The following FBP1 variants were observed in gnomAD, a reference collection of about 807,000 sequenced individuals.
FBP1 encodes the protein fructose-bisphosphatase 1.
A neutral mutation model predicts 29.9 loss-of-function variants in FBP1; 22 were observed. The observed-to-expected ratio is 0.74, with a 90% CI of 0.53 to 1.05. The LOEUF is 1.05. Ranked by LOEUF, FBP1 falls within the 50% of genes least tolerant of loss-of-function variation. The probability of loss-of-function intolerance (pLI) is 0.00; values close to 1 mark genes in which losing one functional copy is unlikely to be tolerated. For missense variants in FBP1, 345 were observed against 448.2 expected (o/e 0.77, Z 2.08); for synonymous variants, 175 against 178.6 (o/e 0.98, Z 0.16).
At chr9:94,607,032 TG>T in intron 4 of FBP1, 80 bp from the exon 5 acceptor site, 1 of 1,584,822 alleles carries the variant, frequency 6.3e-7, no homozygotes. Flanking sequence ...AGCGATGGGC[TG>T]GGCTACGCTG....
Position 94,606,027 on chromosome 9 carries a change from G to C in FBP1, c.706-451C>G, listed in dbSNP as rs572037783. 2.0e-5 allele frequency among the ~76,000 whole-genome samples: 3 copies of C among 152,160 alleles called. No homozygotes were observed. The East Asian group carries it at 5.8e-4, about 29-fold the overall frequency. Reference sequence around the variant, plus strand: ...CCTGGAGGAGGAGCCTGTGGGACTCGGGTGTGCGTGTGCGGAGCTTGGGGG... The same window carrying C: ...CCTGGAGGAGGAGCCTGTGGGACTCCGGTGTGCGTGTGCGGAGCTTGGGGG... On this transcript the variant is annotated intron_variant, in intron 5 of 6. Coordinates refer to ENST00000375326, the MANE Select transcript of FBP1 (RefSeq NM_000507.4).
In FBP1 at chr9:94,636,983, C is replaced by A. The variant is rs748871348; in HGVS notation, c.170+2158G>T. ...GGGATTACAGGTGTGAGCCACCACA[C>A]CCAGTCGACAAGCCCTCTTTTTAAA... On this transcript the variant is annotated intron_variant, in intron 1 of 6. Coordinates refer to ENST00000375326, the MANE Select transcript of FBP1 (RefSeq NM_000507.4). Among the ~76,000 whole-genome samples, 66 of 152,112 alleles carry A rather than the reference C, an allele frequency of 4.3e-4. 1 individual carries two copies. Among genetic ancestry groups the A allele is most frequent in the Middle Eastern group, 3.2e-3 (1 of 316 alleles).
At chr9:94,611,762 G>T (rs1481116710) in intron 3 of FBP1, among the ~76,000 whole-genome samples, 1 of 152,126 alleles carries the variant, frequency 6.6e-6, no homozygotes, top group Non-Finnish European at 1.5e-5. Flanking sequence ...TTAAGAAAAA[G>T]AAAAGAAATG....
chr9:94,634,771 G>C (rs1828166367), intron 1 of FBP1, among the ~76,000 whole-genome samples: 2 of 152,092 alleles, frequency 1.3e-5, no homozygotes, highest in African/African-American at 4.8e-5. Context: ...ATGTCGCCTG[G>C]CCAACATGGC....
chr9:94,639,365 C>G lies in FBP1; in HGVS notation c.-55G>C. 1 of 1,562,104 alleles carries G rather than the reference C, an allele frequency of 6.4e-7. No homozygotes were observed. The highest frequency in any genetic ancestry group is 8.7e-7 in the Non-Finnish European group (1 of 1,151,870). On this transcript the variant is annotated 5_prime_UTR_variant, in exon 1 of 7. Coordinates refer to ENST00000375326, the MANE Select transcript of FBP1 (RefSeq NM_000507.4). ...GGTGCAAGCGGCAGGTGCGGGGCTG[C>G]AGGTGCGGGCGGCAAGAGAGGGCAG... is the stretch of plus-strand genomic sequence containing the variant.
chr9:94,614,405 T>C (rs1827833132), intron 3 of FBP1, among the ~76,000 whole-genome samples: 1 of 151,546 alleles, frequency 6.6e-6, no homozygotes. Flanking sequence ...CCAAGCGTGG[T>C]GGTGGGCGCC....
At chr9:94,619,866 C>G (rs1827917863) in intron 2 of FBP1, among the ~76,000 whole-genome samples, 1 of 102,256 alleles carries the variant, frequency 9.8e-6, no homozygotes, top group Non-Finnish European at 1.7e-5. Context: ...AAGAGCAAAA[C>G]ACTGTCTCAA....
At chr9:94,628,237 T>G (rs1335330371) in intron 1 of FBP1, among the ~76,000 whole-genome samples, 1 of 152,014 alleles carries the variant, frequency 6.6e-6, no homozygotes, top group Admixed American at 6.6e-5. Context: ...AATACAAAAA[T>G]TAGCCAGGTG....
Position 94,603,439 on chromosome 9 carries a change from C to T in FBP1, c.959G>A (p.Gly320Glu). The change falls in exon 7 of 7, where the codon GGA becomes GAA. Residue 320 changes from glycine to glutamate, a missense_variant. Gly to Glu is a moderately conservative substitution (Grantham distance 98). Transcript: ENST00000375326. ...DIHQRAPVIL[G>E]SPDDVLEFLK... ...GAACTCGAGCACGTCGTCGGGGGATCCCAAGATCACCGGCGCCCTCTGGTG... is the reference window on the plus strand; with the variant it reads ...GAACTCGAGCACGTCGTCGGGGGATTCCAAGATCACCGGCGCCCTCTGGTG... 6.2e-7 allele frequency: 1 copy of T among 1,613,992 alleles called. No homozygotes were observed. The highest frequency in any genetic ancestry group is 1.1e-5 in the South Asian group (1 of 91,056).
chr9:94,638,634 CG>C (rs3841715), intron 1 of FBP1, among the ~76,000 whole-genome samples: 69,066 of 129,804 alleles, frequency 0.53, 16,019 homozygotes, highest in African/African-American at 0.58. Context: ...GCGGGGGGGG[CG>C]GGGGGGACAC....
At chr9:94,623,488 C>G (rs568513832) in intron 1 of FBP1, among the ~76,000 whole-genome samples, 1 of 152,320 alleles carries the variant, frequency 6.6e-6, no homozygotes, top group African/African-American at 2.4e-5. Flanking sequence ...ATGACATACA[C>G]AAAAGGCCTA....
chr9:94,614,911 T>TTA (rs1563982191), intron 3 of FBP1, among the ~76,000 whole-genome samples: 6 of 151,792 alleles, frequency 4.0e-5, no homozygotes, highest in African/African-American at 1.5e-4. Flanking sequence ...TTAATTAATT[T>TTA]ATTTATTTAT....
At chr9:94,626,553 C>T (rs1033582357) in intron 1 of FBP1, among the ~76,000 whole-genome samples, 1 of 152,134 alleles carries the variant, frequency 6.6e-6, no homozygotes, top group Non-Finnish European at 1.5e-5. Flanking sequence ...ATCAAGCCTC[C>T]CCCGTCACAC....
At chr9:94,607,035 G>C in intron 4 of FBP1, 83 bp from the exon 5 acceptor site, 1 of 1,583,126 alleles carries the variant, frequency 6.3e-7, no homozygotes, top group East Asian at 2.2e-5. Flanking sequence ...GATGGGCTGG[G>C]CTACGCTGGG....
At position 94,639,272 on chromosome 9, in the gene FBP1, G is replaced by T. The variant is rs769000568; in HGVS notation, c.39C>A (p.Thr13=). Reference sequence around the variant, plus strand: ...CCTCCTCCATGACGAAGCGGGTCAGGGTGTTGACGTCCGTGTCGAAGGGCG... The same window carrying T: ...CCTCCTCCATGACGAAGCGGGTCAGTGTGTTGACGTCCGTGTCGAAGGGCG... The part of the protein sequence containing the change: ...DQAPFDTDVN[T]LTRFVMEEGR... The change falls in exon 1 of 7, where the codon ACC becomes ACA. Residue 13 remains threonine, a synonymous_variant. Transcript: ENST00000375326. 2 of 1,606,992 alleles carry T rather than the reference G, an allele frequency of 1.2e-6. No individual in the cohort carries two copies. Among genetic ancestry groups the T allele is most frequent in the East Asian group, 2.2e-5 (1 of 44,548 alleles).
intron 1 of FBP1, among the ~76,000 whole-genome samples, chr9:94,635,436 C>T (rs746879510): frequency 2.6e-5 from 4 of 152,362 alleles, no homozygotes; most frequent in Non-Finnish European, 5.9e-5. Flanking sequence ...CATAATGATC[C>T]TGGGTGAGCT....
In FBP1 at chr9:94,604,644, C is replaced by T. The variant is rs28369770; in HGVS notation, c.825+813G>A. Among the ~76,000 whole-genome samples, 1,202 of 152,150 alleles carry T rather than the reference C, an allele frequency of 7.9e-3. 22 individuals carry two copies. The highest frequency in any genetic ancestry group is 0.028 in the African/African-American group (1,150 of 41,498). On this transcript the variant is annotated intron_variant, in intron 6 of 6. Coordinates refer to ENST00000375326, the MANE Select transcript of FBP1 (RefSeq NM_000507.4). The stretch of plus-strand genomic sequence containing the variant: ...ACTAAAAATATAAAAATTAGTCGGG[C>T]GTGGTGGCGGGCACCTGTAATCCCA...
chr9:94,636,791 C>G (rs2131506409), intron 1 of FBP1, among the ~76,000 whole-genome samples: 1 of 152,092 alleles, frequency 6.6e-6, no homozygotes, highest in East Asian at 1.9e-4. Context: ...CGGGTTCAAG[C>G]AATTCTCCTG....
At chr9:94,615,305 T>C (rs1316141618) in intron 3 of FBP1, among the ~76,000 whole-genome samples, 4 of 152,230 alleles carry the variant, frequency 2.6e-5, no homozygotes, top group African/African-American at 9.6e-5. Flanking sequence ...AAGCTGCTGT[T>C]GCAAGCTGGC....
Sources: allele counts gnomAD v4.1 joint callset (sites outside exome capture counted in the v4.1 genomes callset), GRCh38; gene constraint gnomAD v4.1.1; transcripts MANE v1.5; gene names NCBI Gene and HGNC (gene_info 2026-07-23, HGNC 2026-07-21).